The following SOX6 variants were observed in gnomAD, a reference collection of about 807,000 sequenced individuals.
The protein encoded by SOX6 is SRY-box transcription factor 6, also known as transcription factor SOX-6.
In SOX6, 11 loss-of-function variants were observed where a neutral mutation model predicts 97.8. The ratio of observed to expected loss-of-function variants is 0.11; its 90% CI spans 0.07 to 0.19. The LOEUF is 0.19. Ranked by LOEUF, SOX6 falls within the 10% of genes least tolerant of loss-of-function variation. The pLI, the probability that SOX6 is intolerant of heterozygous loss-of-function variation, is 1.00. For synonymous variants in SOX6, 360 were observed against 371.4 expected (o/e 0.97, Z 0.35); for missense variants, 810 against 1,039.5 (o/e 0.78, Z 3.04).
chr11:16,137,148 T>G lies in SOX6; in HGVS notation c.778-25225A>C, dbSNP rs1359851778. Among the ~76,000 whole-genome samples the G allele has an allele frequency of 2.6e-5, 4 of 152,156 alleles. No individual in the cohort carries two copies. The East Asian group carries it at 7.7e-4, about 29-fold the overall frequency. ...AGTGTTTGTGTTTATCTAAAGAGCA[T>G]GTGGGGGCCGGGAGCAGTGGCTCAT... On this transcript the variant is annotated intron_variant, in intron 6 of 15. Coordinates refer to ENST00000683767, the MANE Select transcript of SOX6 (RefSeq NM_001367873.1).
chr11:16,594,496 A>G (rs1370636577), intron 4 of SOX6, among the ~76,000 whole-genome samples: 1 of 152,116 alleles, frequency 6.6e-6, no homozygotes, highest in African/African-American at 2.4e-5. Flanking sequence ...GCATTGTTAT[A>G]GTGGGAAAGG....
At chr11:16,689,042 T>C (rs1847991848) in intron 3 of SOX6, among the ~76,000 whole-genome samples, 1 of 152,204 alleles carries the variant, frequency 6.6e-6, no homozygotes, top group Non-Finnish European at 1.5e-5. Flanking sequence ...CTTATGCCCT[T>C]ATTAATTATG....
intron 1 of SOX6, among the ~76,000 whole-genome samples, chr11:16,449,755 C>T (rs1403829079): frequency 6.6e-6 from 1 of 152,096 alleles, no homozygotes; most frequent in Non-Finnish European, 1.5e-5. Flanking sequence ...TCAGTAAGTC[C>T]TCCTTTCCTC....
At chr11:15,988,380 C>T (rs1375210275) in intron 14 of SOX6, among the ~76,000 whole-genome samples, 1 of 152,176 alleles carries the variant, frequency 6.6e-6, no homozygotes, top group Non-Finnish European at 1.5e-5. Flanking sequence ...TGGGCCTCTC[C>T]CCTGCAGCTC....
At chr11:16,207,800 A>G (rs938469682) in intron 4 of SOX6, among the ~76,000 whole-genome samples, 1 of 144,452 alleles carries the variant, frequency 6.9e-6, no homozygotes, top group African/African-American at 2.7e-5. Context: ...ATTTTTTAAA[A>G]CTAAAATATG....
In SOX6 at chr11:16,367,754, C is replaced by G. The variant is rs190683292; in HGVS notation, c.-4-26502G>C. 1.6e-3 allele frequency among the ~76,000 whole-genome samples: 250 copies of G among 152,206 alleles called. 1 individual carries two copies. Among genetic ancestry groups the G allele is most frequent in the Middle Eastern group, 6.8e-3 (2 of 294 alleles). ...CAAAATGGCGCAATGGCTAAAATTT[C>G]CAAAGGACTAAACACCAATATTAGC... On this transcript the variant is annotated intron_variant, in intron 1 of 15. Transcript: ENST00000396356.
chr11:16,396,091 C>G (rs141743222), intron 1 of SOX6, among the ~76,000 whole-genome samples: 2,071 of 151,714 alleles, frequency 0.014, 17 homozygotes, highest in Middle Eastern at 0.027. Flanking sequence ...AGCCTTTATT[C>G]GCTAGACTTT....
intron 3 of SOX6, among the ~76,000 whole-genome samples, chr11:16,289,774 T>C (rs538640775): frequency 6.6e-6 from 1 of 152,078 alleles, no homozygotes; most frequent in Admixed American, 6.6e-5. Flanking sequence ...CAGAAGTTGA[T>C]TGGCCCAGAG....
At chr11:16,317,540 A>C (rs893549300) in intron 3 of SOX6, 1 of 154,532 alleles carries the variant, frequency 6.5e-6, no homozygotes, top group African/African-American at 2.4e-5. Flanking sequence ...TGATTAGTAA[A>C]ACAGGGAAGC....
At chr11:16,421,121 G>T (rs1859013462) in intron 1 of SOX6, among the ~76,000 whole-genome samples, 1 of 151,968 alleles carries the variant, frequency 6.6e-6, no homozygotes, top group Non-Finnish European at 1.5e-5. Flanking sequence ...AGTCTAACAG[G>T]GACAGTATCC....
At chr11:16,364,308 C>A (rs1406183991) in intron 1 of SOX6, among the ~76,000 whole-genome samples, 1 of 151,994 alleles carries the variant, frequency 6.6e-6, no homozygotes, top group Non-Finnish European at 1.5e-5. Flanking sequence ...AAGCCCATTC[C>A]AATTAGGTTT....
In SOX6 at chr11:16,703,251, C is replaced by G. The variant is rs377580692; in HGVS notation, n.429+11579G>C. ...GTATCTCCAATTATTCCATATACACCGATGCTAAATGATCAAATTACACTT... is the reference window on the plus strand; with the variant it reads ...GTATCTCCAATTATTCCATATACACGGATGCTAAATGATCAAATTACACTT... On this transcript the variant is annotated intron_variant and non_coding_transcript_variant, in intron 3 of 5. Coordinates refer to the SOX6 transcript ENST00000524520. Among the ~76,000 whole-genome samples the G allele has an allele frequency of 1.3e-4, 20 of 151,860 alleles. 1 individual carries two copies. The highest frequency in any genetic ancestry group is 5.9e-4 in the Admixed American group (9 of 15,240).
At chr11:16,068,171 A>T (rs1848138160) in intron 9 of SOX6, among the ~76,000 whole-genome samples, 1 of 152,170 alleles carries the variant, frequency 6.6e-6, no homozygotes, top group Non-Finnish European at 1.5e-5. Flanking sequence ...CCTAACACCA[A>T]GCCTCAAGCC....
chr11:16,602,706 G>T (rs1472535995), intron 4 of SOX6, among the ~76,000 whole-genome samples: 1 of 152,046 alleles, frequency 6.6e-6, no homozygotes, highest in Non-Finnish European at 1.5e-5. Context: ...ACCAAGAAAG[G>T]TGCACTCTTG....
At chr11:16,538,914 A>T (rs1211952169) in intron 4 of SOX6, among the ~76,000 whole-genome samples, 1 of 152,186 alleles carries the variant, frequency 6.6e-6, no homozygotes, top group East Asian at 1.9e-4. Context: ...TAGACAGATC[A>T]ACGAGACAGA....
At chr11:16,132,497 A>AAAAAGCAAGC (rs1564972861) in intron 6 of SOX6, among the ~76,000 whole-genome samples, 1 of 97,390 alleles carries the variant, frequency 1.0e-5, no homozygotes, top group Non-Finnish European at 2.4e-5. Flanking sequence ...AGAAAGAAAG[A>AAAAAGCAAGC]AAGAAAGAAA....
chr11:16,000,467 T>G (rs993343920), intron 13 of SOX6, among the ~76,000 whole-genome samples: 4 of 152,228 alleles, frequency 2.6e-5, no homozygotes, highest in African/African-American at 2.4e-5. Context: ...TCTTCTGAGA[T>G]AGTGATTGTT....
chr11:16,168,883 G>A (rs1016416966), intron 6 of SOX6, among the ~76,000 whole-genome samples: 7 of 152,004 alleles, frequency 4.6e-5, no homozygotes, highest in Non-Finnish European at 8.8e-5. Flanking sequence ...CCAAGTTATC[G>A]GTCAGCTGTC....
intron 12 of SOX6, among the ~76,000 whole-genome samples, chr11:16,022,378 C>CCTCA (rs1855091547): frequency 6.7e-6 from 1 of 148,710 alleles, no homozygotes; most frequent in African/African-American, 2.5e-5. Flanking sequence ...TTCCTTCCTC[C>CCTCA]CTCCCTCCCT....
Sources: gnomAD v4.1 joint callset for allele counts (sites outside exome capture counted in the v4.1 genomes callset) on GRCh38, gnomAD v4.1.1 for gene constraint, MANE v1.5 for transcripts, NCBI Gene and HGNC (gene_info 2026-07-23, HGNC 2026-07-21) for gene names.